Variants in TNFRSF13B observed in about 807,000 individuals in gnomAD.
TNFRSF13B encodes tumor necrosis factor receptor superfamily member 13B.
In TNFRSF13B, 34 loss-of-function variants were observed where a neutral mutation model predicts 24.0. The ratio of observed to expected loss-of-function variants is 1.41; its 90% confidence interval spans 1.08 to 1.88. The LOEUF is 1.88. Ranked by LOEUF, TNFRSF13B falls within the 40% of genes most tolerant of loss-of-function variation. The pLI is 0.00. For missense variants in TNFRSF13B, 415 were observed against 380.8 expected, an observed-to-expected ratio of 1.09 and a Z score of -0.75; for synonymous variants, 173 against 150.3, an observed-to-expected ratio of 1.15 and a Z score of -1.10.
At chr17:16,957,369 C>T in intron 1 of TNFRSF13B, among the ~76,000 whole-genome samples, 1 of 151,646 alleles carries the variant, frequency 6.6e-6, no homozygotes, top group East Asian at 1.9e-4. Flanking sequence ...TGAACAGAGC[C>T]AAATGTACTA....
At position 16,972,086 on chromosome 17, in the gene TNFRSF13B, G is replaced by A. The variant is rs774050898; in HGVS notation, c.-11C>T. 3 of 1,613,742 alleles carry A rather than the reference G, an allele frequency of 1.9e-6. No homozygotes were observed. The highest frequency in any genetic ancestry group is 4.5e-5 in the East Asian group (2 of 44,882). ...GCCCAGGCCACTCATTACTCAGGAT[G>A]CTTATTACTAGTCTTAGATTTGATT... On this transcript the variant is annotated 5_prime_UTR_variant, in exon 1 of 5. Transcript: ENST00000261652.
intron 3 of TNFRSF13B, among the ~76,000 whole-genome samples, chr17:16,948,479 G>T (rs1262744231): frequency 1.3e-5 from 2 of 152,254 alleles, no homozygotes; most frequent in Non-Finnish European, 1.5e-5. Context: ...TCAATGACTG[G>T]CACAGCCTCG....
chr17:16,958,717 CAAA>C (rs1384075839), intron 1 of TNFRSF13B, among the ~76,000 whole-genome samples: 1 of 151,662 alleles, frequency 6.6e-6, no homozygotes, highest in Non-Finnish European at 1.5e-5. Flanking sequence ...TTACAAAAGA[CAAA>C]GAAGGACAAT....
At position 16,941,517 on chromosome 17, in the gene TNFRSF13B, G is replaced by A. The variant is rs996420596; in HGVS notation, c.446-1006C>T. The A allele has an allele frequency of 7.8e-5, 77 of 987,580 alleles. 2 individuals are homozygous for A. In the Middle Eastern group the frequency reaches 1.1e-3, roughly 14 times the overall value. The allele number at this position is 987,580 out of a possible 1,614,324, so 61.2% of individuals were successfully genotyped here. A position where few individuals can be genotyped will look rare whatever the true frequency, so the allele number is the denominator to read the frequency against. Reference sequence around the variant, plus strand: ...AGATGAGCCAGATTTAAGATGACACGTCAAGAAGAGCGAGTCCCACTTCGT... The same window carrying A: ...AGATGAGCCAGATTTAAGATGACACATCAAGAAGAGCGAGTCCCACTTCGT... On this transcript the variant is annotated intron_variant, in intron 3 of 4. Transcript: ENST00000261652.
chr17:16,970,954 G>A (rs771518365), intron 1 of TNFRSF13B, among the ~76,000 whole-genome samples: 1 of 152,214 alleles, frequency 6.6e-6, no homozygotes, highest in Non-Finnish European at 1.5e-5. Context: ...GGCAGAGGCT[G>A]TGAATCTAGG....
chr17:16,940,658 G>A lies in TNFRSF13B; in HGVS notation c.446-147C>T, dbSNP rs1474188770. ...CTCCTTTTCTGACCCTGAGGCTGCT[G>A]GGATGCTCTCTGGATCCTGGAGGAA... On this transcript the variant is annotated intron_variant, in intron 3 of 4. Coordinates refer to ENST00000261652, the MANE Select transcript of TNFRSF13B (RefSeq NM_012452.3). 2.0e-6 allele frequency: 3 copies of A among 1,501,936 alleles called. No individual in the cohort carries two copies. The Admixed American group carries it at 6.1e-5, about 31-fold the overall frequency. The allele number at this position is 1,501,936 out of a possible 1,614,324, so 93.0% of individuals were successfully genotyped here.
chr17:16,939,495 T>A lies in TNFRSF13B; in HGVS notation c.*52A>T. The A allele has an allele frequency of 6.4e-7, 1 of 1,564,536 alleles. No individual in the cohort carries two copies. The highest frequency in any genetic ancestry group is 8.7e-7 in the Non-Finnish European group (1 of 1,151,350). On this transcript the variant is annotated 3_prime_UTR_variant, in exon 5 of 5. Coordinates refer to ENST00000261652, the MANE Select transcript of TNFRSF13B (RefSeq NM_012452.3). ...TCCCCTCTCCCCACCTCTCTTTCTC[T>A]CTCCCCTCCTCTCCATCTCTCTCCC...
chr17:16,971,205 C>T (rs902046885), intron 1 of TNFRSF13B, among the ~76,000 whole-genome samples: 5 of 152,054 alleles, frequency 3.3e-5, no homozygotes, highest in African/African-American at 4.8e-5. Context: ...AAAAATTAGC[C>T]GGGCGTGGTG....
chr17:16,952,220 A>T (rs1394285140), intron 2 of TNFRSF13B, among the ~76,000 whole-genome samples: 3 of 152,362 alleles, frequency 2.0e-5, no homozygotes, highest in African/African-American at 7.2e-5. Context: ...GGCAGCGGGA[A>T]TAGCATGTGC....
intron 1 of TNFRSF13B, among the ~76,000 whole-genome samples, chr17:16,967,783 A>G (rs940884835): frequency 1.4e-5 from 2 of 148,018 alleles, no homozygotes; most frequent in Non-Finnish European, 3.0e-5. Context: ...GAAAGAAAGA[A>G]AAAAAAAAGA....
At chr17:16,969,463 A>ATATTG (rs2087728494) in intron 1 of TNFRSF13B, among the ~76,000 whole-genome samples, 1 of 152,238 alleles carries the variant, frequency 6.6e-6, no homozygotes, top group South Asian at 2.1e-4. Context: ...AATACATCAC[A>ATATTG]TATGATTCCA....
chr17:16,965,125 G>T (rs937161879), intron 1 of TNFRSF13B, among the ~76,000 whole-genome samples: 1 of 151,780 alleles, frequency 6.6e-6, no homozygotes, highest in Non-Finnish European at 1.5e-5. Context: ...ATTTTCTTTT[G>T]TAGAGACAGG....
intron 3 of TNFRSF13B, among the ~76,000 whole-genome samples, chr17:16,946,488 G>C (rs1250521635): frequency 6.6e-6 from 1 of 152,106 alleles, no homozygotes; most frequent in Non-Finnish European, 1.5e-5. Flanking sequence ...CAGCTCAACA[G>C]GACCCTTCTT....
chr17:16,940,381 G>C lies in TNFRSF13B; in HGVS notation c.576C>G (p.Pro192=). ...VACFLKKRGD[P]CSCQPRSRPR... ...GCCTTGAGCGGGGCTGGCAGGAGCA[G>C]GGATCCCCCCTCTTCTTGAGGAAGC... is the stretch of plus-strand genomic sequence containing the variant. Residue 192 remains proline (P), a synonymous_variant, in exon 4 of 5, where the codon CCC becomes CCG. Transcript: ENST00000261652. The C allele has an allele frequency of 6.2e-7, 1 of 1,614,094 alleles. No homozygotes were observed. The highest frequency in any genetic ancestry group is 8.5e-7 in the Non-Finnish European group (1 of 1,180,038).
intron 3 of TNFRSF13B, chr17:16,941,594 A>G (rs2087510548): frequency 1.0e-6 from 1 of 986,184 alleles, no homozygotes. Context: ...CTGATGGCAG[A>G]CAACTACCCC....
At chr17:16,956,064 C>T (rs898221590) in intron 1 of TNFRSF13B, among the ~76,000 whole-genome samples, 7 of 152,322 alleles carry the variant, frequency 4.6e-5, no homozygotes, top group African/African-American at 1.7e-4. Context: ...AGACAGTATC[C>T]TTCTCTGGTC....
Position 16,940,376 on chromosome 17 carries a change from G to T in TNFRSF13B, c.581C>A (p.Ser194Tyr), listed in dbSNP as rs544455005. ...CFLKKRGDPC[S>Y]CQPRSRPRQS... is the part of the protein sequence containing the mutation. The stretch of plus-strand genomic sequence containing the variant: ...ACGGGGCCTTGAGCGGGGCTGGCAG[G>T]AGCAGGGATCCCCCCTCTTCTTGAG... Residue 194 changes from serine to tyrosine, a missense_variant, in exon 4 of 5, where the codon TCC becomes TAC. Transcript: ENST00000261652. The T allele has an allele frequency of 2.9e-5, 47 of 1,613,924 alleles. No homozygotes were observed. The highest frequency in any genetic ancestry group is 4.0e-5 in the Non-Finnish European group (47 of 1,180,034).
At chr17:16,946,650 C>T (rs879918749) in intron 3 of TNFRSF13B, among the ~76,000 whole-genome samples, 9 of 151,040 alleles carry the variant, frequency 6.0e-5, no homozygotes, top group Admixed American at 2.0e-4. Context: ...TACAAAGGCA[C>T]GATCTTGGCT....
At chr17:16,939,830 G>A (rs1567649591) in intron 4 of TNFRSF13B, 33 bp from the exon 5 acceptor site, 8 of 1,601,372 alleles carry the variant, frequency 5.0e-6, no homozygotes, top group African/African-American at 4.0e-5. Flanking sequence ...CGTGGGCCAG[G>A]CCTGGCCCTG....
Sources: gnomAD v4.1 joint callset for allele counts (sites outside exome capture counted in the v4.1 genomes callset) on GRCh38, gnomAD v4.1.1 for gene constraint, MANE v1.5 for transcripts, NCBI Gene and HGNC (gene_info 2026-07-23, HGNC 2026-07-21) for gene names.